The following ASIC2 variants were observed in gnomAD, a reference collection of about 807,000 sequenced individuals.
ASIC2 encodes acid sensing ion channel subunit 2, also known as acid-sensing ion channel 2.
ASIC2 carries 25 observed loss-of-function variants against 57.3 expected under a neutral mutation model. The ratio of observed to expected loss-of-function variants is 0.44; its 90% confidence interval spans 0.32 to 0.61. The LOEUF (loss-of-function observed/expected upper bound fraction) is 0.61. Ranked by LOEUF, ASIC2 falls within the 20% of genes least tolerant of loss-of-function variation. ASIC2 has a pLI of 0.06. For synonymous variants in ASIC2, 319 were observed against 307.5 expected (o/e 1.04, Z -0.39); for missense variants, 641 against 738.1 (o/e 0.87, Z 1.52).
At chr17:33,430,030 A>G (rs1382457788) in intron 1 of ASIC2, among the ~76,000 whole-genome samples, 1 of 151,926 alleles carries the variant, frequency 6.6e-6, no homozygotes, top group Non-Finnish European at 1.5e-5. Flanking sequence ...AGACTATAGA[A>G]CCCTTCCCTT....
At chr17:33,753,383 T>C (rs144337461) in intron 1 of ASIC2, among the ~76,000 whole-genome samples, 11 of 152,274 alleles carry the variant, frequency 7.2e-5, no homozygotes, top group Admixed American at 7.2e-4. Flanking sequence ...GATACTGTAG[T>C]AGTGGACACA....
At chr17:33,300,115 C>G (rs1032404982) in intron 1 of ASIC2, among the ~76,000 whole-genome samples, 1 of 152,136 alleles carries the variant, frequency 6.6e-6, no homozygotes, top group Non-Finnish European at 1.5e-5. Context: ...TCCACCCCAT[C>G]CCCAGCCCCC....
chr17:33,655,942 T>C (rs564303325), intron 1 of ASIC2, among the ~76,000 whole-genome samples: 1 of 152,240 alleles, frequency 6.6e-6, no homozygotes, highest in East Asian at 1.9e-4. Context: ...TCAGAAGTGT[T>C]AACACTTCTG....
At chr17:33,751,727 C>A (rs1910438237) in intron 1 of ASIC2, among the ~76,000 whole-genome samples, 2 of 151,964 alleles carry the variant, frequency 1.3e-5, no homozygotes, top group African/African-American at 4.8e-5. Context: ...TCTAGTTTCC[C>A]CTGCTCCCTG....
chr17:34,042,323 AAC>A (rs1908168176), intron 1 of ASIC2, among the ~76,000 whole-genome samples: 1 of 152,194 alleles, frequency 6.6e-6, no homozygotes, highest in Admixed American at 6.5e-5. Flanking sequence ...TAACAACCCA[AAC>A]ATCCATCAAC....
At chr17:33,531,505 T>A (rs1171339720) in intron 1 of ASIC2, among the ~76,000 whole-genome samples, 1 of 152,198 alleles carries the variant, frequency 6.6e-6, no homozygotes, top group Non-Finnish European at 1.5e-5. Flanking sequence ...TAGGGCCAGA[T>A]GGCTGCCCAG....
intron 1 of ASIC2, among the ~76,000 whole-genome samples, chr17:33,603,235 T>A (rs570274184): frequency 7.6e-4 from 115 of 152,192 alleles, no homozygotes; most frequent in African/African-American, 2.3e-3. Context: ...AAGGTGGCAG[T>A]GGTGGTGGTG....
chr17:33,675,321 G>C (rs867360940), intron 1 of ASIC2, among the ~76,000 whole-genome samples: 15 of 152,298 alleles, frequency 9.8e-5, no homozygotes, highest in Middle Eastern at 6.8e-3. Flanking sequence ...GTAGGAATGT[G>C]AGAGGTACCA....
chr17:33,026,335 T>C (rs1210688762), intron 4 of ASIC2, among the ~76,000 whole-genome samples: 1 of 152,252 alleles, frequency 6.6e-6, no homozygotes, highest in Non-Finnish European at 1.5e-5. Flanking sequence ...AAGCACCTTG[T>C]AAGCCTGGCT....
At chr17:33,130,168 C>T (rs1460349162) in intron 1 of ASIC2, among the ~76,000 whole-genome samples, 1 of 152,224 alleles carries the variant, frequency 6.6e-6, no homozygotes, top group South Asian at 2.1e-4. Flanking sequence ...AGGGGTTCAG[C>T]ACAAAAATTT....
intron 1 of ASIC2, among the ~76,000 whole-genome samples, chr17:33,598,778 A>G (rs1289115300): frequency 3.3e-5 from 5 of 152,190 alleles, no homozygotes; most frequent in Non-Finnish European, 7.3e-5. Flanking sequence ...CTCCAGGACA[A>G]GGAAGGATGT....
chr17:34,105,563 A>G (rs1911017331), intron 1 of ASIC2, among the ~76,000 whole-genome samples: 1 of 146,302 alleles, frequency 6.8e-6, no homozygotes, highest in African/African-American at 2.5e-5. Flanking sequence ...TCTTCCTAAT[A>G]TAAACATTCA....
chr17:33,352,671 C>A (rs2142250434), intron 1 of ASIC2, among the ~76,000 whole-genome samples: 1 of 152,348 alleles, frequency 6.6e-6, no homozygotes, highest in Middle Eastern at 3.4e-3. Flanking sequence ...TTCTCCATGA[C>A]TGACTCCTGC....
rs565575917 is a variant in ASIC2 at position 33,162,068 on chromosome 17, C to T, written c.709-50001G>A. On this transcript the variant is annotated intron_variant, in intron 1 of 9. Transcript: ENST00000225823. ...GACATCTTGCTGAAAGAAGAAGGTGCTGACCACCTGACGTGACTCTTTCAT... is the reference window on the plus strand; with the variant it reads ...GACATCTTGCTGAAAGAAGAAGGTGTTGACCACCTGACGTGACTCTTTCAT... 2.0e-5 allele frequency among the ~76,000 whole-genome samples: 3 copies of T among 152,204 alleles called. No homozygotes were observed. The East Asian group carries it at 5.8e-4, about 29-fold the overall frequency.
In ASIC2 at chr17:33,665,054, A is replaced by G. The variant is rs1039351464; in HGVS notation, c.555+490924T>C. 6.9e-4 allele frequency among the ~76,000 whole-genome samples: 105 copies of G among 152,012 alleles called. 1 individual carries two copies. The highest frequency in any genetic ancestry group is 2.4e-3 in the African/African-American group (100 of 41,472). Reference sequence around the variant, plus strand: ...AATAAAAATTTTATTTTTTTTTTTAAGACAAAGAAACAAGAGGCTCAGAAA... The same window carrying G: ...AATAAAAATTTTATTTTTTTTTTTAGGACAAAGAAACAAGAGGCTCAGAAA... On this transcript the variant is annotated intron_variant, in intron 1 of 9. Coordinates refer to the ASIC2 transcript ENST00000359872.
At chr17:33,224,585 T>C (rs574540653) in intron 1 of ASIC2, among the ~76,000 whole-genome samples, 1 of 152,328 alleles carries the variant, frequency 6.6e-6, no homozygotes, top group Middle Eastern at 3.4e-3. Flanking sequence ...AATGAATGTA[T>C]GCATGTGGAA....
At chr17:33,166,572 C>A (rs1283678516) in intron 1 of ASIC2, among the ~76,000 whole-genome samples, 3 of 152,168 alleles carry the variant, frequency 2.0e-5, no homozygotes, top group Non-Finnish European at 4.4e-5. Context: ...GAGGTCCTAG[C>A]ATGCCTCATA....
In ASIC2 at chr17:33,292,336, C is replaced by G; in HGVS notation, c.-221G>C. On this transcript the variant is annotated 5_prime_UTR_variant, in exon 1 of 10. Transcript: ENST00000225823. ...CCCGGGGCTGAGCGCCGCCTCAGCCCGCAGCCCCTGGCAGTGGCCTCTCCC... is the reference window on the plus strand; with the variant it reads ...CCCGGGGCTGAGCGCCGCCTCAGCCGGCAGCCCCTGGCAGTGGCCTCTCCC... The G allele has an allele frequency of 2.0e-6, 2 of 986,488 alleles. No individual in the cohort carries two copies. The highest frequency in any genetic ancestry group is 2.4e-6 in the Non-Finnish European group (2 of 831,196). The allele number at this position is 986,488 out of a possible 1,614,324, so 61.1% of individuals were successfully genotyped here. A position where few individuals can be genotyped will look rare whatever the true frequency, so the allele number is the denominator to read the frequency against.
chr17:33,222,619 A>G (rs978240222), intron 1 of ASIC2, among the ~76,000 whole-genome samples: 2 of 152,226 alleles, frequency 1.3e-5, no homozygotes, highest in Non-Finnish European at 2.9e-5. Context: ...AATTGAGAGG[A>G]TATTTGTCTC....
Sources: gnomAD v4.1 joint callset for allele counts (sites outside exome capture counted in the v4.1 genomes callset) on GRCh38, gnomAD v4.1.1 for gene constraint, MANE v1.5 for transcripts, NCBI Gene and HGNC (gene_info 2026-07-23, HGNC 2026-07-21) for gene names.